DIAPH2: variants seen among roughly 807,000 people sequenced by gnomAD.
DIAPH2 encodes diaphanous related formin 2.
DIAPH2 carries 35 observed loss-of-function variants against 92.7 expected under a neutral mutation model. The observed-to-expected ratio is 0.38, with a 90% CI of 0.29 to 0.50. The LOEUF (loss-of-function observed/expected upper bound fraction) is 0.50, where lower values mean the gene tolerates loss of function less well. Among genes scored for constraint, DIAPH2 ranks in the 20% least tolerant of loss-of-function variants. DIAPH2 has a pLI of 0.94. For synonymous variants in DIAPH2, 301 were observed against 280.4 expected, an observed-to-expected ratio of 1.07 and a Z score of -0.73; for missense variants, 701 against 819.5, an observed-to-expected ratio of 0.86 and a Z score of 1.77.
At chrX:97,128,928 G>A (rs770348934) in intron 21 of DIAPH2, among the ~76,000 whole-genome samples, 53 of 110,582 alleles carry the variant, frequency 4.8e-4, no homozygotes, top group Non-Finnish European at 8.3e-4. Flanking sequence ...ATGGACAGTT[G>A]GGTTGTTTCT....
intron 22 of DIAPH2, among the ~76,000 whole-genome samples, chrX:97,221,671 T>A (rs893016613): frequency 8.9e-6 from 1 of 111,869 alleles, no homozygotes; most frequent in Non-Finnish European, 1.9e-5. Context: ...CTGCTGTACA[T>A]AAAAATAGTT....
chrX:97,152,005 T>A (rs1055057813), intron 22 of DIAPH2, among the ~76,000 whole-genome samples: 2 of 111,547 alleles, frequency 1.8e-5, no homozygotes, highest in African/African-American at 3.3e-5. Context: ...AAAAGCTGGA[T>A]CATGCCCTGA....
intron 26 of DIAPH2, among the ~76,000 whole-genome samples, chrX:97,447,183 T>C (rs746870095): frequency 1.8e-5 from 2 of 111,534 alleles, no homozygotes; most frequent in South Asian, 3.8e-4. Flanking sequence ...CTTTTTTTTT[T>C]CTTCCGTCTG....
At chrX:96,944,914 A>G (rs970367594) in intron 13 of DIAPH2, among the ~76,000 whole-genome samples, 10 of 111,416 alleles carry the variant, frequency 9.0e-5, no homozygotes, top group African/African-American at 3.2e-4. Flanking sequence ...GAATGGCTAG[A>G]TACAGAATAG....
chrX:97,427,811 C>G (rs979296698), intron 25 of DIAPH2, among the ~76,000 whole-genome samples: 10 of 110,446 alleles, frequency 9.1e-5, no homozygotes, highest in African/African-American at 3.3e-4. Context: ...CTCAGCCTCC[C>G]GAGTAGCTGG....
intron 26 of DIAPH2, among the ~76,000 whole-genome samples, chrX:97,485,133 T>TA (rs2070678656): frequency 8.9e-6 from 1 of 112,085 alleles, no homozygotes; most frequent in Admixed American, 9.4e-5. Flanking sequence ...GTCAATGTGA[T>TA]ACTGTAAATA....
rs140701130 is a variant in DIAPH2 at position 97,506,394 on chromosome X, G to A, written c.3241+76649G>A. Among the ~76,000 whole-genome samples, 971 of 104,293 alleles carry A rather than the reference G, an allele frequency of 9.3e-3. 12 individuals carry two copies. Among genetic ancestry groups the A allele is most frequent in the African/African-American group, 0.032 (920 of 28,422 alleles). The allele number at this position is 104,293 out of a possible 115,157, so 90.6% of individuals were successfully genotyped here. On this transcript the variant is annotated intron_variant, in intron 26 of 26. Coordinates refer to ENST00000324765, the MANE Select transcript of DIAPH2 (RefSeq NM_006729.5). ...TGGAACTCCTGACCTCAGGTGATCC[G>A]CCCACCTTGGCCCCCGAAAGTGCTG... is the stretch of plus-strand genomic sequence containing the variant.
At chrX:97,185,458 T>C (rs1569323311) in intron 22 of DIAPH2, among the ~76,000 whole-genome samples, 6 of 41,227 alleles carry the variant, frequency 1.5e-4, no homozygotes, top group African/African-American at 9.8e-4. Context: ...TGTGTGTGTA[T>C]ATATATATAT....
intron 25 of DIAPH2, among the ~76,000 whole-genome samples, chrX:97,412,692 A>G (rs1164323450): frequency 8.9e-6 from 1 of 112,065 alleles, no homozygotes; most frequent in African/African-American, 3.2e-5. Context: ...GAAGAATCAA[A>G]TGGACACAAT....
chrX:97,342,008 T>C (rs1196732818), intron 23 of DIAPH2, among the ~76,000 whole-genome samples: 1 of 112,046 alleles, frequency 8.9e-6, no homozygotes, highest in African/African-American at 3.2e-5. Flanking sequence ...AACATTCAGG[T>C]CTAAAGACAC....
At chrX:97,506,469 T>C (rs1159717320) in intron 26 of DIAPH2, among the ~76,000 whole-genome samples, 1 of 105,769 alleles carries the variant, frequency 9.5e-6, no homozygotes, top group Non-Finnish European at 1.9e-5. Flanking sequence ...TTTTTTTTTT[T>C]TTCAGATGGT....
chrX:96,998,510 CTT>C (rs1358631547), intron 17 of DIAPH2, among the ~76,000 whole-genome samples: 1 of 111,794 alleles, frequency 8.9e-6, no homozygotes, highest in Non-Finnish European at 1.9e-5. Context: ...ATTATTAAAA[CTT>C]TTTGATGTTG....
chrX:97,258,890 A>AC (rs1265524748), intron 23 of DIAPH2, among the ~76,000 whole-genome samples: 9 of 100,267 alleles, frequency 9.0e-5, no homozygotes, highest in East Asian at 3.0e-4. Context: ...AAAAAAAAAA[A>AC]ACAACAACAA....
chrX:97,456,728 A>C (rs1375566352), intron 26 of DIAPH2, among the ~76,000 whole-genome samples: 1 of 111,201 alleles, frequency 9.0e-6, no homozygotes, highest in Non-Finnish European at 1.9e-5. Context: ...GTATATACAA[A>C]ATACAATAAT....
At chrX:97,182,230 A>G (rs2067546188) in intron 22 of DIAPH2, among the ~76,000 whole-genome samples, 1 of 111,547 alleles carries the variant, frequency 9.0e-6, no homozygotes, top group Admixed American at 9.6e-5. Context: ...AAACTGAGAT[A>G]TAAGGTAAAG....
chrX:97,426,678 G>A (rs367886066), intron 25 of DIAPH2, among the ~76,000 whole-genome samples: 1 of 111,140 alleles, frequency 9.0e-6, no homozygotes, highest in East Asian at 2.8e-4. Context: ...AATCTGATCA[G>A]GTTACTTCCT....
chrX:96,866,399 T>A (rs1239339782), intron 4 of DIAPH2, among the ~76,000 whole-genome samples: 1 of 112,239 alleles, frequency 8.9e-6, no homozygotes, highest in Non-Finnish European at 1.9e-5. Context: ...AAAGACATAT[T>A]TCATATAGCA....
intron 22 of DIAPH2, among the ~76,000 whole-genome samples, chrX:97,221,033 TTTG>T (rs1160485265): frequency 4.9e-4 from 54 of 111,233 alleles, no homozygotes; most frequent in Admixed American, 1.6e-3. Context: ...TTCATTGGAT[TTTG>T]TTGTTGTTGT....
At chrX:97,358,954 G>C (rs1489597751) in intron 24 of DIAPH2, among the ~76,000 whole-genome samples, 2 of 111,952 alleles carry the variant, frequency 1.8e-5, no homozygotes, top group Middle Eastern at 4.2e-3. Flanking sequence ...AAAAAGGCTA[G>C]TGGATCATGC....
Sources: allele counts gnomAD v4.1 joint callset (sites outside exome capture counted in the v4.1 genomes callset), GRCh38; gene constraint gnomAD v4.1.1; transcripts MANE v1.5; gene names NCBI Gene and HGNC (gene_info 2026-07-23, HGNC 2026-07-21).